VWDE: variants seen among roughly 807,000 people sequenced by gnomAD.
VWDE encodes von Willebrand factor D and EGF domain-containing protein.
Under a neutral mutation model 178.4 loss-of-function variants are expected in VWDE, and 207 were observed. That is an observed-to-expected ratio of 1.16 (90% CI 1.04 to 1.30). The LOEUF (loss-of-function observed/expected upper bound fraction) is 1.30. VWDE is among the 50% of genes most tolerant of loss of function. The pLI, the probability that VWDE is intolerant of heterozygous loss-of-function variation, is 0.00. For missense variants in VWDE, 2,287 were observed against 1,901.3 expected (o/e 1.20, Z -3.77); for synonymous variants, 738 against 651.4 (o/e 1.13, Z -2.02).
chr7:12,352,455 T>C (rs1016853905), intron 18 of VWDE, among the ~76,000 whole-genome samples: 4 of 152,186 alleles, frequency 2.6e-5, no homozygotes, highest in Admixed American at 6.5e-5. Flanking sequence ...AATACACAAA[T>C]GACTCTGACA....
At chr7:12,367,611 A>C in intron 12 of VWDE, 118 bp from the exon 13 acceptor site, 1 of 851,236 alleles carries the variant, frequency 1.2e-6, no homozygotes. Flanking sequence ...AAGTATACCT[A>C]AAATGCTGCT....
At position 12,370,752 on chromosome 7, in the gene VWDE, G is replaced by T. The variant is rs1393395867; in HGVS notation, c.1700C>A (p.Thr567Asn). The part of the protein sequence containing the change: ...DYRNTLGLCG[T>N]FDENPENDFH... ...ATCATTTTCCGGATTTTCATCAAAGGTTCCACAAAGTCCCAGAGTGTTTCT... is the reference window on the plus strand; with the variant it reads ...ATCATTTTCCGGATTTTCATCAAAGTTTCCACAAAGTCCCAGAGTGTTTCT... The change falls in exon 11 of 29, where the codon ACC (threonine) becomes AAC (asparagine). Residue 567 changes from threonine to asparagine, a missense_variant. Coordinates refer to ENST00000275358, the MANE Select transcript of VWDE (RefSeq NM_001135924.3). 31 of 1,551,018 alleles carry T rather than the reference G, an allele frequency of 2.0e-5. No individual in the cohort carries two copies. Among genetic ancestry groups the T allele is most frequent in the Non-Finnish European group, 2.6e-5 (30 of 1,146,706 alleles).
intron 6 of VWDE, 116 bp from the exon 7 acceptor site, chr7:12,378,036 C>T (rs1470549754): frequency 7.7e-6 from 6 of 779,638 alleles, no homozygotes; most frequent in Non-Finnish European, 1.1e-5. Flanking sequence ...AACTTAAGCC[C>T]TAGAATGTTT....
chr7:12,341,040 C>T (rs965883810), intron 23 of VWDE, among the ~76,000 whole-genome samples: 10 of 152,200 alleles, frequency 6.6e-5, no homozygotes, highest in Non-Finnish European at 1.0e-4. Context: ...CCTCACTCCA[C>T]TTGCCAAAAT....
intron 1 of VWDE, among the ~76,000 whole-genome samples, chr7:12,397,266 C>T (rs968356421): frequency 1.3e-5 from 2 of 152,080 alleles, no homozygotes; most frequent in Admixed American, 6.6e-5. Flanking sequence ...AATAAAGCCA[C>T]ACACCTACAG....
intron 9 of VWDE, among the ~76,000 whole-genome samples, chr7:12,374,345 T>C (rs1488492165): frequency 6.6e-6 from 1 of 152,080 alleles, no homozygotes; most frequent in Non-Finnish European, 1.5e-5. Flanking sequence ...AACTTAAAGA[T>C]TGTTTTATTA....
intron 12 of VWDE, 92 bp from the exon 13 acceptor site, chr7:12,367,585 G>A: frequency 1.8e-6 from 2 of 1,105,690 alleles, no homozygotes; most frequent in East Asian, 2.8e-5. Context: ...AAAAGCATAT[G>A]GAAAATAATA....
rs1416739346 is a variant in VWDE at position 12,336,228 on chromosome 7, AG to A, written c.4566del (p.Leu1523CysfsTer65). The A allele has an allele frequency of 6.4e-7, 1 of 1,551,108 alleles. No homozygotes were observed. The highest frequency in any genetic ancestry group is 2.4e-5 in the East Asian group (1 of 40,834). ...WSGKRCNTPI[C>X]LQKCKNGGEC... ...TCACCACCGTTTTTACATTTCTGCA[AG>A]CAGATAGCTGCCAATCGAAATATAA... On this transcript the variant is annotated frameshift_variant, in exon 27 of 29. Transcript: ENST00000275358. LOFTEE classifies it high-confidence loss of function.
At chr7:12,361,620 C>T (rs1782585798) in intron 13 of VWDE, 99 bp from the exon 14 acceptor site, 1 of 1,133,792 alleles carries the variant, frequency 8.8e-7, no homozygotes, top group Non-Finnish European at 1.2e-6. Context: ...AAAATATATG[C>T]CTAGTATAAT....
chr7:12,349,615 A>ATG (rs1781819952), intron 19 of VWDE, among the ~76,000 whole-genome samples: 2 of 151,874 alleles, frequency 1.3e-5, no homozygotes, highest in African/African-American at 4.8e-5. Flanking sequence ...TATGTATAGG[A>ATG]TCAGAATATA....
intron 28 of VWDE, among the ~76,000 whole-genome samples, chr7:12,331,863 C>T (rs1780739003): frequency 6.6e-6 from 1 of 152,100 alleles, no homozygotes; most frequent in Non-Finnish European, 1.5e-5. Context: ...CCCTCTTTAG[C>T]ACCTTTTTCT....
Position 12,375,212 on chromosome 7 carries a change from C to G in VWDE, c.1040G>C (p.Gly347Ala). Reference protein sequence around the residue: ...KTIGQGREHLGLNLALSSCHV... With the variant: ...KTIGQGREHLALNLALSSCHV... Reference sequence around the variant, plus strand: ...ACAGGAAGACAGTGCCAAATTTAAGCCTAGGTGCTCTCTACCTATTTAATG... The same window carrying G: ...ACAGGAAGACAGTGCCAAATTTAAGGCTAGGTGCTCTCTACCTATTTAATG... Residue 347 changes from glycine to alanine, a missense_variant, in exon 8 of 29, where the codon GGC (glycine) becomes GCC (alanine). Coordinates refer to ENST00000275358, the MANE Select transcript of VWDE (RefSeq NM_001135924.3). 6.4e-7 allele frequency: 1 copy of G among 1,550,824 alleles called. No individual in the cohort carries two copies. Among genetic ancestry groups the G allele is most frequent in the Non-Finnish European group, 8.7e-7 (1 of 1,146,346 alleles).
intron 1 of VWDE, among the ~76,000 whole-genome samples, chr7:12,397,040 G>GT (rs1784660868): frequency 6.6e-6 from 1 of 151,560 alleles, no homozygotes; most frequent in Non-Finnish European, 1.5e-5. Flanking sequence ...TACCAATGTT[G>GT]TTTTTTACAA....
intron 17 of VWDE, 40 bp from the exon 18 acceptor site, chr7:12,356,370 A>C: frequency 6.7e-7 from 1 of 1,503,532 alleles, no homozygotes; most frequent in Non-Finnish European, 9.0e-7. Context: ...ATTTTTCAAT[A>C]AAATTATCTT....
In VWDE at chr7:12,402,308, C is replaced by CT. The variant is rs1251483393; in HGVS notation, c.58+1350dup. 3.3e-5 allele frequency among the ~76,000 whole-genome samples: 5 copies of CT among 152,234 alleles called. No individual in the cohort carries two copies. In the East Asian group the frequency reaches 9.7e-4, roughly 29 times the overall value. On this transcript the variant is annotated intron_variant, in intron 1 of 28. Coordinates refer to ENST00000275358, the MANE Select transcript of VWDE (RefSeq NM_001135924.3). ...AAATGAAAAACCATAGAGTCGCACA[C>CT]TTTGAGTGATTTGTATGGTATATGA...
At chr7:12,352,802 C>A (rs1461304539) in intron 18 of VWDE, among the ~76,000 whole-genome samples, 1 of 152,148 alleles carries the variant, frequency 6.6e-6, no homozygotes, top group Non-Finnish European at 1.5e-5. Context: ...CTTAATTAAA[C>A]CAAAGGTATG....
At chr7:12,392,805 T>C (rs1784446247) in intron 2 of VWDE, among the ~76,000 whole-genome samples, 1 of 111,970 alleles carries the variant, frequency 8.9e-6, no homozygotes, top group Non-Finnish European at 1.8e-5. Flanking sequence ...TAAAGTTAAG[T>C]TGCAAAAAAA....
chr7:12,371,847 T>C (rs1381398485), intron 10 of VWDE, among the ~76,000 whole-genome samples: 1 of 152,122 alleles, frequency 6.6e-6, no homozygotes, highest in African/African-American at 2.4e-5. Flanking sequence ...ACCTGTTTAT[T>C]GATCACCACT....
chr7:12,347,707 G>A (rs961306607), intron 19 of VWDE, among the ~76,000 whole-genome samples: 3 of 151,964 alleles, frequency 2.0e-5, no homozygotes, highest in Admixed American at 2.0e-4. Flanking sequence ...TTTCTTCACA[G>A]AATTGGAAAA....
Sources: gnomAD v4.1 joint callset for allele counts (sites outside exome capture counted in the v4.1 genomes callset) on GRCh38, gnomAD v4.1.1 for gene constraint, MANE v1.5 for transcripts, NCBI Gene and HGNC (gene_info 2026-07-23, HGNC 2026-07-21) for gene names.